Variants in MRPS6 observed in about 807,000 individuals in gnomAD.
MRPS6 encodes the protein mitochondrial ribosomal protein S6.
In MRPS6, 6 loss-of-function variants were observed where a neutral mutation model predicts 13.1. The ratio of observed to expected loss-of-function variants is 0.46; its 90% CI spans 0.25 to 0.91. MRPS6 has a LOEUF of 0.91. Ranked by LOEUF, MRPS6 falls within the 40% of genes least tolerant of loss-of-function variation. MRPS6 has a pLI of 0.18. For synonymous variants in MRPS6, 61 were observed against 56.5 expected (o/e 1.08, Z -0.36); for missense variants, 164 against 155.6 (o/e 1.05, Z -0.29).
intron 1 of MRPS6, among the ~76,000 whole-genome samples, chr21:34,075,852 A>C (rs1989317611): frequency 1.3e-5 from 2 of 152,330 alleles, no homozygotes; most frequent in South Asian, 4.1e-4. Context: ...TTTGGGGGGA[A>C]ACGAATTTAA....
Position 34,097,807 on chromosome 21 carries a change from A to G in MRPS6, c.45+24062A>G, listed in dbSNP as rs1166521156. 9 of 999,962 alleles carry G rather than the reference A, an allele frequency of 9.0e-6. No homozygotes were observed. The East Asian group carries it at 6.8e-4, about 75-fold the overall frequency. The allele number at this position is 999,962 out of a possible 1,614,324, so 61.9% of individuals were successfully genotyped here. On this transcript the variant is annotated intron_variant, in intron 1 of 2. Coordinates refer to ENST00000399312, the MANE Select transcript of MRPS6 (RefSeq NM_032476.4). ...AAAACTTATTTCTTAGACATTGTAC[A>G]ATCAGTTATGTACTGAAAATCGAAT...
At chr21:34,139,201 G>A (rs577081331) in intron 2 of MRPS6, among the ~76,000 whole-genome samples, 1 of 105,442 alleles carries the variant, frequency 9.5e-6, no homozygotes, top group East Asian at 3.6e-4. Flanking sequence ...TGGGGGGAGG[G>A]GGGAGGGATA....
chr21:34,078,609 C>A (rs1454905372), intron 1 of MRPS6, among the ~76,000 whole-genome samples: 1 of 151,918 alleles, frequency 6.6e-6, no homozygotes, highest in Non-Finnish European at 1.5e-5. Flanking sequence ...AAATCAGTTT[C>A]AAAAAATTAA....
At chr21:34,116,951 C>A (rs912761152) in intron 1 of MRPS6, among the ~76,000 whole-genome samples, 1 of 152,174 alleles carries the variant, frequency 6.6e-6, no homozygotes, top group South Asian at 2.1e-4. Context: ...CAGCTCTTCT[C>A]CCCTGGGGCT....
chr21:34,076,817 C>T (rs900980075), intron 1 of MRPS6, among the ~76,000 whole-genome samples: 2 of 152,110 alleles, frequency 1.3e-5, no homozygotes, highest in African/African-American at 4.8e-5. Context: ...ATAGAAGAGT[C>T]TCTGGAATAA....
At chr21:34,073,770 G>A (rs374682783) in intron 1 of MRPS6, 25 bp downstream of exon 1, 9 of 1,473,450 alleles carry the variant, frequency 6.1e-6, no homozygotes, top group African/African-American at 5.9e-5. Context: ...CTCAGAGCCG[G>A]TCTTCCCGCG....
intron 1 of MRPS6, chr21:34,106,097 G>A: frequency 2.0e-6 from 2 of 998,952 alleles, no homozygotes; most frequent in African/African-American, 1.7e-5. Flanking sequence ...TATTTTGCCA[G>A]CTGCTGCATT....
At chr21:34,081,943 A>C (rs375585712) in intron 1 of MRPS6, among the ~76,000 whole-genome samples, 1 of 152,116 alleles carries the variant, frequency 6.6e-6, no homozygotes, top group African/African-American at 2.4e-5. Context: ...GTTGGTGCTT[A>C]CTACTCTGCT....
intron 2 of MRPS6, among the ~76,000 whole-genome samples, chr21:34,129,743 T>C (rs977794930): frequency 6.6e-6 from 1 of 152,200 alleles, no homozygotes; most frequent in African/African-American, 2.4e-5. Context: ...TTCCATGTTC[T>C]CGTGCCTTTC....
intron 1 of MRPS6, among the ~76,000 whole-genome samples, chr21:34,084,681 C>G (rs959404450): frequency 6.6e-6 from 1 of 152,204 alleles, no homozygotes; most frequent in African/African-American, 2.4e-5. Context: ...AATTAAAACA[C>G]AGACTTGGTC....
At position 34,122,639 on chromosome 21, in the gene MRPS6, C is replaced by T. The variant is rs940001847; in HGVS notation, c.46-2702C>T. The T allele has an allele frequency of 3.9e-5, 6 of 152,046 alleles. 1 individual carries two copies. The highest frequency in any genetic ancestry group is 1.5e-5 in the Non-Finnish European group (1 of 67,976). 9.4% of individuals were successfully genotyped at this position (152,046 alleles called of 1,614,324 possible). On this transcript the variant is annotated intron_variant, in intron 1 of 2. Coordinates refer to ENST00000399312, the MANE Select transcript of MRPS6 (RefSeq NM_032476.4). ...ACTTAAAAGATATTGAGATATATTCCTTTTTAATCAGGCAAAACTGGAATT... is the reference window on the plus strand; with the variant it reads ...ACTTAAAAGATATTGAGATATATTCTTTTTTAATCAGGCAAAACTGGAATT...
intron 1 of MRPS6, chr21:34,098,645 G>A (rs1022299907): frequency 1.0e-5 from 10 of 1,000,162 alleles, no homozygotes; most frequent in Non-Finnish European, 1.1e-5. Flanking sequence ...ATGTTTGAGA[G>A]GTGCCAAACA....
At chr21:34,077,237 C>T (rs1258113626) in intron 1 of MRPS6, among the ~76,000 whole-genome samples, 2 of 152,160 alleles carry the variant, frequency 1.3e-5, no homozygotes, top group Admixed American at 6.5e-5. Context: ...AATGGTAAAG[C>T]CGCATACTGT....
intron 1 of MRPS6, among the ~76,000 whole-genome samples, chr21:34,090,321 A>T (rs1484409690): frequency 1.3e-5 from 2 of 152,228 alleles, no homozygotes; most frequent in African/African-American, 4.8e-5. Context: ...CTCTGCATCA[A>T]GCGTTAGTAG....
At chr21:34,099,603 A>ATT (rs554380597) in intron 1 of MRPS6, 20 of 953,118 alleles carry the variant, frequency 2.1e-5, no homozygotes, top group Non-Finnish European at 2.3e-5. Context: ...GGTGTTTGTG[A>ATT]TTTTTTTTTT....
At chr21:34,127,614 C>T (rs1480827275) in intron 2 of MRPS6, among the ~76,000 whole-genome samples, 5 of 152,160 alleles carry the variant, frequency 3.3e-5, no homozygotes, top group African/African-American at 9.7e-5. Flanking sequence ...TGAAGTTACC[C>T]GAATAAAGAT....
At chr21:34,104,557 T>A in intron 1 of MRPS6, 1 of 998,972 alleles carries the variant, frequency 1.0e-6, no homozygotes. Flanking sequence ...GAAGGAAGAC[T>A]ATATCTGGTG....
At chr21:34,135,624 C>T (rs1980668230) in intron 2 of MRPS6, 1 of 388,176 alleles carries the variant, frequency 2.6e-6, no homozygotes, top group Non-Finnish European at 5.1e-6. Context: ...GCAGTGGGGA[C>T]ACGTCCACAG....
At chr21:34,079,899 A>G (rs920783027) in intron 1 of MRPS6, among the ~76,000 whole-genome samples, 10 of 152,076 alleles carry the variant, frequency 6.6e-5, no homozygotes, top group African/African-American at 2.4e-4. Flanking sequence ...TGTGTTGCCT[A>G]TCCCCAAAGT....
Sources: gnomAD v4.1 joint callset for allele counts (sites outside exome capture counted in the v4.1 genomes callset) on GRCh38, gnomAD v4.1.1 for gene constraint, MANE v1.5 for transcripts, NCBI Gene and HGNC (gene_info 2026-07-23, HGNC 2026-07-21) for gene names.